The following KIAA0586 variants were observed in gnomAD, a reference collection of about 807,000 sequenced individuals.
KIAA0586 encodes the protein protein TALPID3.
A neutral mutation model predicts 169.8 loss-of-function variants in KIAA0586; 144 were observed. That is an observed-to-expected ratio of 0.85 (90% CI 0.74 to 0.97). The LOEUF (loss-of-function observed/expected upper bound fraction) is 0.97. KIAA0586 is among the 50% of genes least tolerant of loss of function. The probability of loss-of-function intolerance (pLI) is 0.00; values close to 1 mark genes in which losing one functional copy is unlikely to be tolerated. For synonymous variants in KIAA0586, 625 were observed against 612.4 expected (o/e 1.02, Z -0.30); for missense variants, 1,854 against 1,823.0 (o/e 1.02, Z -0.31).
At position 58,427,907 on chromosome 14, in the gene KIAA0586, C is replaced by T; in HGVS notation, c.-358C>T. ...ATTTCGCTTTTATTTGCTTGACTGCCTCTTCTCAACAAATTTTAAGCCCGC... is the reference window on the plus strand; with the variant it reads ...ATTTCGCTTTTATTTGCTTGACTGCTTCTTCTCAACAAATTTTAAGCCCGC... On this transcript the variant is annotated 5_prime_UTR_variant, in exon 1 of 31. Coordinates refer to ENST00000652326, the MANE Select transcript of KIAA0586 (RefSeq NM_001329943.3). The T allele has an allele frequency of 7.4e-7, 1 of 1,359,680 alleles. No homozygotes were observed. The highest frequency in any genetic ancestry group is 9.6e-7 in the Non-Finnish European group (1 of 1,037,378). 84.2% of individuals were successfully genotyped at this position (1,359,680 alleles called of 1,614,324 possible). A position where few individuals can be genotyped will look rare whatever the true frequency, so the allele number is the denominator to read the frequency against.
intron 29 of KIAA0586, among the ~76,000 whole-genome samples, chr14:58,515,488 A>G (rs986885762): frequency 2.0e-5 from 3 of 152,060 alleles, no homozygotes; most frequent in Non-Finnish European, 4.4e-5. Context: ...CACGTGCGCA[A>G]ATTATTTTTC....
At chr14:58,512,443 C>T (rs2044456803) in intron 28 of KIAA0586, 79 bp from the exon 29 acceptor site, 4 of 744,906 alleles carry the variant, frequency 5.4e-6, no homozygotes, top group South Asian at 2.2e-5. Flanking sequence ...ATTTTATAAA[C>T]ACTTGAATAA....
At chr14:58,512,322 T>A (rs1406690531) in intron 28 of KIAA0586, among the ~76,000 whole-genome samples, 200 bp from the exon 29 acceptor site, 1 of 152,118 alleles carries the variant, frequency 6.6e-6, no homozygotes, top group African/African-American at 2.4e-5. Flanking sequence ...AAAGGTTTTT[T>A]TTTGCAACGT....
chr14:58,427,831 G>T lies in KIAA0586; in HGVS notation c.-434G>T. On this transcript the variant is annotated 5_prime_UTR_variant, in exon 1 of 31. Transcript: ENST00000652326. ...CTGGAGGGGTGTGTAAGACTCTGTGGCTGAAGAAAGCTATTACGCTTCTTA... is the reference window on the plus strand; with the variant it reads ...CTGGAGGGGTGTGTAAGACTCTGTGTCTGAAGAAAGCTATTACGCTTCTTA... 7.0e-7 allele frequency: 1 copy of T among 1,435,740 alleles called. No homozygotes were observed. Among genetic ancestry groups the T allele is most frequent in the Non-Finnish European group, 9.1e-7 (1 of 1,095,666 alleles). 88.9% of individuals were successfully genotyped at this position (1,435,740 alleles called of 1,614,324 possible). A position where few individuals can be genotyped will look rare whatever the true frequency, so the allele number is the denominator to read the frequency against.
chr14:58,464,312 G>A (rs1855401650), intron 14 of KIAA0586, among the ~76,000 whole-genome samples: 2 of 4,200 alleles, frequency 4.8e-4, no homozygotes, highest in South Asian at 0.12. Flanking sequence ...TATATAGTTA[G>A]TTTATAAAGG....
At chr14:58,511,987 A>T (rs540074268) in intron 28 of KIAA0586, among the ~76,000 whole-genome samples, 1 of 152,320 alleles carries the variant, frequency 6.6e-6, no homozygotes, top group Admixed American at 6.5e-5. Context: ...GTTATGTTAT[A>T]TGAGAGATGA....
rs1595060372 is a variant in KIAA0586 at position 58,430,498 on chromosome 14, A to G, written c.271-150A>G. On this transcript the variant is annotated intron_variant, in intron 2 of 30. Coordinates refer to ENST00000652326, the MANE Select transcript of KIAA0586 (RefSeq NM_001329943.3). Reference sequence around the variant, plus strand: ...AAATCTTTGAGTAGCTTTAAGGTACATCAGAATTGCATGATGATGGAAATG... The same window carrying G: ...AAATCTTTGAGTAGCTTTAAGGTACGTCAGAATTGCATGATGATGGAAATG... 7 of 540,754 alleles carry G rather than the reference A, an allele frequency of 1.3e-5. No individual in the cohort carries two copies. The East Asian group carries it at 2.2e-4, about 17-fold the overall frequency. The allele number at this position is 540,754 out of a possible 1,614,324, so 33.5% of individuals were successfully genotyped here. A position where few individuals can be genotyped will look rare whatever the true frequency, so the allele number is the denominator to read the frequency against.
intron 8 of KIAA0586, among the ~76,000 whole-genome samples, chr14:58,451,745 A>G (rs879304564): frequency 4.0e-5 from 6 of 151,898 alleles, no homozygotes; most frequent in African/African-American, 7.3e-5. Flanking sequence ...GTGCAGTGGC[A>G]CCATCTCAGC....
At chr14:58,556,432 A>G in the KIAA0586 span, among the ~76,000 whole-genome samples, 50 of 152,244 alleles carry the variant, frequency 3.3e-4, no homozygotes, top group African/African-American at 1.2e-3. Context: ...TATAATTTAT[A>G]TAGTGAAGTA....
intron 9 of KIAA0586, among the ~76,000 whole-genome samples, chr14:58,455,089 T>C (rs574764320): frequency 2.5e-4 from 38 of 152,338 alleles, no homozygotes; most frequent in Non-Finnish European, 5.0e-4. Context: ...GTTTGTTGAT[T>C]CTTCTGCCAA....
intron 29 of KIAA0586, among the ~76,000 whole-genome samples, chr14:58,528,557 A>G (rs1307602476): frequency 3.3e-5 from 5 of 152,230 alleles, no homozygotes; most frequent in African/African-American, 1.2e-4. Context: ...AACTCACTCA[A>G]AACGGCACAA....
At chr14:58,523,035 A>C (rs11851196) in intron 29 of KIAA0586, among the ~76,000 whole-genome samples, 1,766 of 152,170 alleles carry the variant, frequency 0.012, 39 homozygotes, top group African/African-American at 0.041. Flanking sequence ...ATGCATATCT[A>C]TATATAATAT....
intron 19 of KIAA0586, among the ~76,000 whole-genome samples, chr14:58,475,589 G>T (rs1477513945): frequency 1.3e-5 from 2 of 152,042 alleles, no homozygotes; most frequent in Non-Finnish European, 2.9e-5. Context: ...ATTGTAACTT[G>T]TTACATATGA....
Position 58,455,567 on chromosome 14 carries a change from TC to T in KIAA0586, c.1254-1132del, listed in dbSNP as rs540425114. Among the ~76,000 whole-genome samples, 22 of 152,336 alleles carry T rather than the reference TC, an allele frequency of 1.4e-4. No homozygotes were observed. In the South Asian group the frequency reaches 4.4e-3, roughly 30 times the overall value. ...GAAGTCTGTATTCTTTGTCATGTGC[TC>T]CCACTGAAGTCTCTGTTTTGTTAGC... is the stretch of plus-strand genomic sequence containing the variant. On this transcript the variant is annotated intron_variant, in intron 9 of 30. Coordinates refer to ENST00000652326, the MANE Select transcript of KIAA0586 (RefSeq NM_001329943.3).
chr14:58,500,579 C>G (rs546573362), intron 27 of KIAA0586, among the ~76,000 whole-genome samples: 1 of 152,168 alleles, frequency 6.6e-6, no homozygotes, highest in Admixed American at 6.5e-5. Flanking sequence ...GTGGCAGATG[C>G]CTGTAATCTC....
At chr14:58,508,334 A>C (rs1009546572) in intron 27 of KIAA0586, among the ~76,000 whole-genome samples, 1 of 152,174 alleles carries the variant, frequency 6.6e-6, no homozygotes, top group Non-Finnish European at 1.5e-5. Context: ...TTTACATAGA[A>C]TATTCCATGG....
At chr14:58,434,374 T>A (rs954619095) in intron 4 of KIAA0586, among the ~76,000 whole-genome samples, 1 of 151,966 alleles carries the variant, frequency 6.6e-6, no homozygotes, top group Non-Finnish European at 1.5e-5. Flanking sequence ...GAAATAAATT[T>A]AAAAAAAACC....
intron 1 of KIAA0586, among the ~76,000 whole-genome samples, 158 bp downstream of exon 1, chr14:58,428,621 G>A (rs1289370270): frequency 6.9e-6 from 1 of 143,970 alleles, no homozygotes; most frequent in East Asian, 2.1e-4. Context: ...CCTATAAAAT[G>A]TTTGAATAGA....
At chr14:58,539,039 C>G (rs558276374) in intron 29 of KIAA0586, among the ~76,000 whole-genome samples, 1 of 152,150 alleles carries the variant, frequency 6.6e-6, no homozygotes, top group Non-Finnish European at 1.5e-5. Flanking sequence ...CTCAAACTCC[C>G]GAAGTGCTTG....
Sources: allele counts gnomAD v4.1 joint callset (sites outside exome capture counted in the v4.1 genomes callset), GRCh38; gene constraint gnomAD v4.1.1; transcripts MANE v1.5; gene names NCBI Gene and HGNC (gene_info 2026-07-23, HGNC 2026-07-21).